TRAPPC9: variants seen among roughly 807,000 people sequenced by gnomAD.
TRAPPC9 encodes IKK2 binding protein.
In TRAPPC9, 83 loss-of-function variants were observed where a neutral mutation model predicts 124.0. The ratio of observed to expected loss-of-function variants is 0.67; its 90% CI spans 0.56 to 0.80. The LOEUF is 0.80. Among genes scored for constraint, TRAPPC9 ranks in the 30% least tolerant of loss-of-function variants. The pLI, the probability that TRAPPC9 is intolerant of heterozygous loss-of-function variation, is 0.00. For missense variants in TRAPPC9, 1,302 were observed against 1,508.3 expected (o/e 0.86, Z 2.27); for synonymous variants, 638 against 617.5 (o/e 1.03, Z -0.49).
chr8:140,410,704 G>A (rs1304701311), intron 5 of TRAPPC9, among the ~76,000 whole-genome samples: 3 of 151,724 alleles, frequency 2.0e-5, no homozygotes, highest in African/African-American at 2.4e-5. Flanking sequence ...TTAGCCAGGC[G>A]TGGTGGCGGG....
chr8:140,359,902 C>A, intron 9 of TRAPPC9, 148 bp downstream of exon 9: 2 of 1,122,616 alleles, frequency 1.8e-6, no homozygotes, highest in Non-Finnish European at 2.6e-6. Flanking sequence ...GGAGCCAAGG[C>A]ATGGGGCAGG....
intron 22 of TRAPPC9, 125 bp from the exon 23 acceptor site, chr8:139,731,353 G>T (rs542249931): frequency 2.9e-5 from 32 of 1,117,416 alleles, no homozygotes; most frequent in Non-Finnish European, 3.9e-5. Flanking sequence ...CCCAGGCCTG[G>T]CTCCAGTGCC....
intron 17 of TRAPPC9, among the ~76,000 whole-genome samples, chr8:140,093,410 G>A (rs116781532): frequency 0.014 from 2,126 of 152,290 alleles, 52 homozygotes; most frequent in African/African-American, 0.048. Flanking sequence ...GCTCACACCT[G>A]TAATCCCACC....
At chr8:140,239,957 C>T (rs1421625135) in intron 16 of TRAPPC9, among the ~76,000 whole-genome samples, 1 of 152,146 alleles carries the variant, frequency 6.6e-6, no homozygotes, top group Non-Finnish European at 1.5e-5. Context: ...CACTGAATAA[C>T]TGTCCCAATT....
intron 16 of TRAPPC9, among the ~76,000 whole-genome samples, chr8:140,242,307 A>G (rs1208992743): frequency 2.6e-5 from 4 of 152,202 alleles, no homozygotes; most frequent in Non-Finnish European, 5.9e-5. Flanking sequence ...GGCTCCCGTG[A>G]AGGCTCAGAT....
At chr8:140,107,756 G>A (rs2060692987) in intron 17 of TRAPPC9, among the ~76,000 whole-genome samples, 2 of 152,244 alleles carry the variant, frequency 1.3e-5, no homozygotes, top group Admixed American at 1.3e-4. Context: ...GGCAAGACTG[G>A]CCAAGGGTAT....
At chr8:139,743,532 T>C (rs1161217233) in intron 21 of TRAPPC9, among the ~76,000 whole-genome samples, 1 of 152,258 alleles carries the variant, frequency 6.6e-6, no homozygotes, top group African/African-American at 2.4e-5. Context: ...CACATTTTTC[T>C]AGTTGACATA....
intron 19 of TRAPPC9, among the ~76,000 whole-genome samples, chr8:139,987,297 T>C (rs530456756): frequency 2.6e-5 from 4 of 152,324 alleles, no homozygotes; most frequent in East Asian, 1.9e-4. Flanking sequence ...GGTAAGTGTA[T>C]GTTTAATTTT....
At chr8:140,171,731 T>C (rs912786756) in intron 17 of TRAPPC9, among the ~76,000 whole-genome samples, 4 of 151,940 alleles carry the variant, frequency 2.6e-5, no homozygotes, top group Admixed American at 6.6e-5. Context: ...GAGGAAAAAA[T>C]TGGGAGAACT....
chr8:139,823,349 C>A (rs1290011581), intron 21 of TRAPPC9, among the ~76,000 whole-genome samples: 1 of 151,964 alleles, frequency 6.6e-6, no homozygotes, highest in Non-Finnish European at 1.5e-5. Context: ...GACATCCAGG[C>A]TAAGGGGCTC....
At chr8:140,221,674 G>A (rs1311153706) in intron 16 of TRAPPC9, 91 bp from the exon 17 acceptor site, 1 of 1,498,616 alleles carries the variant, frequency 6.7e-7, no homozygotes, top group African/African-American at 1.4e-5. Context: ...GTCTCGCTCT[G>A]TCGCACAAGC....
chr8:139,871,024 G>C (rs942154571), intron 21 of TRAPPC9, among the ~76,000 whole-genome samples: 5 of 152,132 alleles, frequency 3.3e-5, no homozygotes, highest in African/African-American at 1.2e-4. Flanking sequence ...CATGAAATCA[G>C]CTTTATGATT....
At chr8:140,260,690 A>T (rs1436212285) in intron 15 of TRAPPC9, among the ~76,000 whole-genome samples, 2 of 152,224 alleles carry the variant, frequency 1.3e-5, no homozygotes, top group Non-Finnish European at 2.9e-5. Flanking sequence ...CTGACTTCAC[A>T]TTACAGCTAC....
intron 11 of TRAPPC9, among the ~76,000 whole-genome samples, chr8:140,296,578 A>C (rs1208192115): frequency 1.3e-5 from 2 of 152,190 alleles, no homozygotes; most frequent in Non-Finnish European, 2.9e-5. Flanking sequence ...CAATTTCTTA[A>C]GATTGAAAAG....
chr8:140,160,249 G>A (rs1427026348), intron 17 of TRAPPC9, among the ~76,000 whole-genome samples: 2 of 152,140 alleles, frequency 1.3e-5, no homozygotes, highest in Admixed American at 1.3e-4. Context: ...GATCCCTCAA[G>A]GATCTAGAAC....
intron 5 of TRAPPC9, 133 bp from the exon 6 acceptor site, chr8:140,405,831 C>A: frequency 1.0e-6 from 1 of 983,464 alleles, no homozygotes. Flanking sequence ...GTTTAGTCTT[C>A]ACAGCTTATA....
chr8:140,155,764 T>G (rs992219781), intron 17 of TRAPPC9, among the ~76,000 whole-genome samples: 1 of 152,210 alleles, frequency 6.6e-6, no homozygotes, highest in African/African-American at 2.4e-5. Context: ...TAATTTGATT[T>G]TTGCAACAGT....
At position 140,349,739 on chromosome 8, in the gene TRAPPC9, C is replaced by T. The variant is rs147156542; in HGVS notation, c.1495+10311G>A. On this transcript the variant is annotated intron_variant, in intron 9 of 22. Coordinates refer to ENST00000438773, the MANE Select transcript of TRAPPC9 (RefSeq NM_001160372.4). Reference sequence around the variant, plus strand: ...CACCAGGCCTGGCGAAGTCAACATCCGCCCCCTTCCAGCAGTGCCCCTTAA... The same window carrying T: ...CACCAGGCCTGGCGAAGTCAACATCTGCCCCCTTCCAGCAGTGCCCCTTAA... 2.4e-3 allele frequency among the ~76,000 whole-genome samples: 359 copies of T among 152,294 alleles called. 2 individuals carry two copies. Among genetic ancestry groups the T allele is most frequent in the African/African-American group, 8.2e-3 (339 of 41,568 alleles).
At chr8:139,861,913 C>T (rs1828186697) in intron 21 of TRAPPC9, among the ~76,000 whole-genome samples, 1 of 98,516 alleles carries the variant, frequency 1.0e-5, no homozygotes, top group African/African-American at 5.4e-5. Flanking sequence ...TGGTCACCTC[C>T]CTGGAAAGGG....
Sources: gnomAD v4.1 joint callset for allele counts (sites outside exome capture counted in the v4.1 genomes callset) on GRCh38, gnomAD v4.1.1 for gene constraint, MANE v1.5 for transcripts, NCBI Gene and HGNC (gene_info 2026-07-23, HGNC 2026-07-21) for gene names.